The following PTBP2 variants were observed in gnomAD, a reference collection of about 807,000 sequenced individuals.
PTBP2 encodes the protein polypyrimidine tract binding protein 2, also known as polypyrimidine tract-binding protein 2.
PTBP2 carries 13 observed loss-of-function variants against 61.4 expected under a neutral mutation model. That is an observed-to-expected ratio of 0.21 (90% CI 0.14 to 0.34). The LOEUF is 0.34. Ranked by LOEUF, PTBP2 falls within the 10% of genes least tolerant of loss-of-function variation. PTBP2 has a pLI of 1.00. For missense variants in PTBP2, 405 were observed against 642.6 expected (o/e 0.63, Z 4.00); for synonymous variants, 215 against 218.5 (o/e 0.98, Z 0.14).
chr1:96,721,983 T>G (rs1649631971), intron 1 of PTBP2, 111 bp downstream of exon 1: 2 of 1,409,780 alleles, frequency 1.4e-6, no homozygotes, highest in Non-Finnish European at 2.0e-6. Context: ...AGGGCTGGGC[T>G]GCCGTTACCC....
intron 3 of PTBP2, among the ~76,000 whole-genome samples, chr1:96,754,089 C>T (rs946785493): frequency 6.6e-6 from 1 of 152,004 alleles, no homozygotes; most frequent in Non-Finnish European, 1.5e-5. Flanking sequence ...ATAAAAAGAA[C>T]CATACTTAGA....
downstream of PTBP2, chr1:96,818,885 C>T (rs2101311416): frequency 6.6e-6 from 1 of 152,040 alleles, no homozygotes; most frequent in Non-Finnish European, 1.5e-5. Context: ...TTGTAACTTA[C>T]CTGTAGTTAG....
At position 96,814,605 on chromosome 1, in the gene PTBP2, G is replaced by C. The variant is rs1311268749; in HGVS notation, c.*1200G>C. ...TGAACAGTTCTTGTCAATCCGAATT[G>C]TTGATTCTGTTTAAATGACCAATAC... On this transcript the variant is annotated 3_prime_UTR_variant, in exon 14 of 14. Transcript: ENST00000674951. The C allele has an allele frequency of 1.3e-5, 2 of 152,464 alleles. No homozygotes were observed. Among genetic ancestry groups the C allele is most frequent in the Admixed American group, 6.6e-5 (1 of 15,252 alleles). The allele number at this position is 152,464 out of a possible 1,614,324, so 9.4% of individuals were successfully genotyped here.
In PTBP2 at chr1:96,806,462, T is replaced by C. The variant is rs368137603; in HGVS notation, c.1078+10T>C. 1 of 1,603,102 alleles carries C rather than the reference T, an allele frequency of 6.2e-7. No homozygotes were observed. Among genetic ancestry groups the C allele is most frequent in the Non-Finnish European group, 8.5e-7 (1 of 1,170,316 alleles). On this transcript the variant is annotated intron_variant, in intron 10 of 13. Coordinates refer to ENST00000674951, the MANE Select transcript of PTBP2 (RefSeq NM_021190.4). ...CTGTTTACCCTCTTCGGTATGTTAT[T>C]GTTAGCACTATACTTTTATTATTGA...
At chr1:96,820,023 T>TAA (rs1231395308), downstream of PTBP2, 1 of 151,986 alleles carries the variant, frequency 6.6e-6, no homozygotes, top group Non-Finnish European at 1.5e-5. Flanking sequence ...AATATATATA[T>TAA]AATAGCTCTA....
downstream of PTBP2, chr1:96,819,906 A>T (rs1662623414): frequency 1.3e-5 from 2 of 151,874 alleles, no homozygotes; most frequent in Admixed American, 6.6e-5. Context: ...TAGAATTCTA[A>T]AATGTGATTC....
At chr1:96,795,499 T>C (rs2101125157) in intron 8 of PTBP2, among the ~76,000 whole-genome samples, 1 of 152,274 alleles carries the variant, frequency 6.6e-6, no homozygotes, top group South Asian at 2.1e-4. Context: ...AAAATTTTGG[T>C]TCAAGATTTC....
At chr1:96,769,299 A>C (rs1657116679) in intron 3 of PTBP2, among the ~76,000 whole-genome samples, 1 of 152,006 alleles carries the variant, frequency 6.6e-6, no homozygotes, top group Non-Finnish European at 1.5e-5. Context: ...GTACAATAAA[A>C]ATATGGTATT....
intron 2 of PTBP2, among the ~76,000 whole-genome samples, chr1:96,737,724 G>A (rs1652427172): frequency 6.6e-6 from 1 of 152,182 alleles, no homozygotes; most frequent in African/African-American, 2.4e-5. Flanking sequence ...TTAAAAAGTA[G>A]TTTTTGACAG....
chr1:96,753,340 C>T lies in PTBP2; in HGVS notation c.115+1840C>T, dbSNP rs556458141. Among the ~76,000 whole-genome samples, 22 of 152,158 alleles carry T rather than the reference C, an allele frequency of 1.4e-4. No individual in the cohort carries two copies. The South Asian group carries it at 4.6e-3, about 32-fold the overall frequency. On this transcript the variant is annotated intron_variant, in intron 3 of 13. Coordinates refer to ENST00000674951, the MANE Select transcript of PTBP2 (RefSeq NM_021190.4). ...AAGCCTGGACCTGAATAGAAAGGATCACACCCTATAGGAAGTGCCATCTAT... is the reference window on the plus strand; with the variant it reads ...AAGCCTGGACCTGAATAGAAAGGATTACACCCTATAGGAAGTGCCATCTAT...
In PTBP2 at chr1:96,777,461, G is replaced by A. The variant is rs551134851; in HGVS notation, c.433-124G>A. On this transcript the variant is annotated intron_variant, in intron 5 of 13. Transcript: ENST00000674951. ...GCAGGTGCTTAAAAATATCTGTTGA[G>A]GGGCCATTTAATTTTGTTTAATCTG... 2.0e-5 allele frequency: 14 copies of A among 702,694 alleles called. No individual in the cohort carries two copies. The South Asian group carries it at 4.4e-4, about 22-fold the overall frequency. 43.5% of individuals were successfully genotyped at this position (702,694 alleles called of 1,614,324 possible).
At chr1:96,767,652 A>G (rs1351024620) in intron 3 of PTBP2, among the ~76,000 whole-genome samples, 2 of 152,116 alleles carry the variant, frequency 1.3e-5, no homozygotes, top group African/African-American at 2.4e-5. Flanking sequence ...GTGTGTGCCC[A>G]TTATGTGTTT....
chr1:96,793,675 T>C (rs1660085187), intron 8 of PTBP2, among the ~76,000 whole-genome samples: 1 of 152,206 alleles, frequency 6.6e-6, no homozygotes, highest in African/African-American at 2.4e-5. Flanking sequence ...CTGGCCTCAT[T>C]TAAAATTTTT....
At chr1:96,796,134 AT>A (rs1195517665) in intron 8 of PTBP2, among the ~76,000 whole-genome samples, 1 of 152,006 alleles carries the variant, frequency 6.6e-6, no homozygotes, top group Non-Finnish European at 1.5e-5. Flanking sequence ...ACCAGAAGAG[AT>A]TTTTTACCAA....
chr1:96,803,722 T>A (rs375698174), intron 8 of PTBP2, among the ~76,000 whole-genome samples: 4 of 152,204 alleles, frequency 2.6e-5, no homozygotes, highest in African/African-American at 9.6e-5. Flanking sequence ...CAGATTCTTA[T>A]GAAATGCACC....
At chr1:96,729,420 T>G (rs1651062052) in intron 2 of PTBP2, among the ~76,000 whole-genome samples, 1 of 152,204 alleles carries the variant, frequency 6.6e-6, no homozygotes, top group Non-Finnish European at 1.5e-5. Flanking sequence ...CTCCTTTTTT[T>G]GTCTGTGGTA....
chr1:96,803,111 G>A lies in PTBP2; in HGVS notation c.905-1689G>A, dbSNP rs1465572092. Among the ~76,000 whole-genome samples the A allele has an allele frequency of 2.6e-5, 4 of 152,158 alleles. No homozygotes were observed. The East Asian group carries it at 5.8e-4, about 22-fold the overall frequency. ...GAGGTATAGTATTTAACATGGAAAA[G>A]TTAGTAATATAGTAGAATATTTGGT... On this transcript the variant is annotated intron_variant, in intron 8 of 13. Coordinates refer to ENST00000674951, the MANE Select transcript of PTBP2 (RefSeq NM_021190.4).
chr1:96,752,476 T>C (rs1041343754), intron 3 of PTBP2, among the ~76,000 whole-genome samples: 6 of 151,982 alleles, frequency 3.9e-5, no homozygotes, highest in African/African-American at 1.4e-4. Flanking sequence ...TAACTAAAAA[T>C]TATAAGGACT....
At chr1:96,807,969 T>C (rs1437545070) in intron 11 of PTBP2, among the ~76,000 whole-genome samples, 1 of 152,178 alleles carries the variant, frequency 6.6e-6, no homozygotes, top group Non-Finnish European at 1.5e-5. Flanking sequence ...GGAATAGTCA[T>C]TGCTGTTGTT....
Sources: gnomAD v4.1 joint callset for allele counts (sites outside exome capture counted in the v4.1 genomes callset) on GRCh38, gnomAD v4.1.1 for gene constraint, MANE v1.5 for transcripts, NCBI Gene and HGNC (gene_info 2026-07-23, HGNC 2026-07-21) for gene names.